SYNPR: variants seen among roughly 807,000 people sequenced by gnomAD.
SYNPR encodes the protein synaptoporin.
A neutral mutation model predicts 32.9 loss-of-function variants in SYNPR; 23 were observed. The ratio of observed to expected loss-of-function variants is 0.70; its 90% CI spans 0.50 to 0.99. SYNPR has a LOEUF of 0.99. SYNPR is among the 50% of genes least tolerant of loss of function. The probability of loss-of-function intolerance (pLI) is 0.00; values close to 1 mark genes in which losing one functional copy is unlikely to be tolerated. For missense variants in SYNPR, 318 were observed against 349.3 expected, an observed-to-expected ratio of 0.91 and a Z score of 0.71; for synonymous variants, 146 against 135.9, an observed-to-expected ratio of 1.07 and a Z score of -0.52.
At position 63,601,008 on chromosome 3, in the gene SYNPR, C is replaced by T. The variant is rs189986481; in HGVS notation, c.409-8117C>T. On this transcript the variant is annotated intron_variant, in intron 4 of 5. Transcript: ENST00000478300. ...CCTGCCATGGCTGGGTGCAGTGGCT[C>T]ACGCCTATAATCCCAGCACTTTGGG... Among the ~76,000 whole-genome samples the T allele has an allele frequency of 2.6e-5, 4 of 152,344 alleles. No individual in the cohort carries two copies. The East Asian group carries it at 7.7e-4, about 29-fold the overall frequency.
rs553489258 is a variant in SYNPR, at chr3:63,364,359, T to C, written c.84+85617T>C. ...ACAACAACATATAGGTTCAGGAGCT[T>C]AATGTCAATTCACAGCCAAATTGTA... is the stretch of plus-strand genomic sequence containing the variant. On this transcript the variant is annotated intron_variant, in intron 2 of 5. Transcript: ENST00000478300. Among the ~76,000 whole-genome samples, 283 of 152,318 alleles carry C rather than the reference T, an allele frequency of 1.9e-3. 2 individuals carry two copies. The highest frequency in any genetic ancestry group is 3.4e-3 in the Admixed American group (52 of 15,304).
At chr3:63,572,101 C>T (rs1254963894) in intron 4 of SYNPR, among the ~76,000 whole-genome samples, 1 of 152,182 alleles carries the variant, frequency 6.6e-6, no homozygotes, top group African/African-American at 2.4e-5. Context: ...TCCAAAGCAA[C>T]CATACATCTG....
rs547743243 is a variant in SYNPR at position 63,471,711 on chromosome 3, G to A, written c.85-9121G>A. Among the ~76,000 whole-genome samples the A allele has an allele frequency of 2.6e-5, 4 of 152,304 alleles. No homozygotes were observed. The South Asian group carries it at 8.3e-4, about 32-fold the overall frequency. On this transcript the variant is annotated intron_variant, in intron 2 of 5. Coordinates refer to ENST00000478300, the MANE Select transcript of SYNPR (RefSeq NM_001130003.2). ...TTTATGGCTACTATTGAGGTAATCA[G>A]CTTTGTTCCCAGAAATGCCCTTTGG... is the stretch of plus-strand genomic sequence containing the variant.
chr3:63,554,725 T>A (rs1702565161), intron 3 of SYNPR, among the ~76,000 whole-genome samples: 1 of 138,044 alleles, frequency 7.2e-6, no homozygotes, highest in African/African-American at 2.6e-5. Flanking sequence ...AATTTTAGAA[T>A]AGTTTTTTTT....
chr3:63,333,831 T>G (rs892261574), intron 2 of SYNPR, among the ~76,000 whole-genome samples: 1 of 152,236 alleles, frequency 6.6e-6, no homozygotes, highest in Non-Finnish European at 1.5e-5. Flanking sequence ...AATTTATTTT[T>G]TATCCATTTG....
At chr3:63,429,004 G>T (rs899240637) in intron 2 of SYNPR, among the ~76,000 whole-genome samples, 1 of 152,178 alleles carries the variant, frequency 6.6e-6, no homozygotes, top group Non-Finnish European at 1.5e-5. Context: ...GGGTCATTTT[G>T]TTCAATCAAT....
upstream of SYNPR, among the ~76,000 whole-genome samples, chr3:63,275,436 C>T (rs2086565003): frequency 6.6e-6 from 1 of 152,158 alleles, no homozygotes; most frequent in African/African-American, 2.4e-5. Flanking sequence ...TATTACACTG[C>T]CATTTGCCAC....
intron 2 of SYNPR, among the ~76,000 whole-genome samples, chr3:63,265,241 C>CTTTTTT (rs71126590): frequency 9.8e-6 from 1 of 102,200 alleles, no homozygotes. Context: ...TAATGACATT[C>CTTTTTT]TTTTTTTTTT....
rs192762700 is a variant in SYNPR at position 63,318,477 on chromosome 3, T to C, written c.84+39735T>C. 2.6e-5 allele frequency among the ~76,000 whole-genome samples: 4 copies of C among 152,120 alleles called. No individual in the cohort carries two copies. In the East Asian group the frequency reaches 5.8e-4, roughly 22 times the overall value. ...CTTATTCTTTTTTCTTTGTCTTTAT[T>C]GGATTGGGTTAATTCAAAGACCTTG... On this transcript the variant is annotated intron_variant, in intron 2 of 5. Transcript: ENST00000478300.
intron 3 of SYNPR, among the ~76,000 whole-genome samples, chr3:63,272,056 T>A (rs969387359): frequency 6.6e-6 from 1 of 152,204 alleles, no homozygotes. Flanking sequence ...AAAGTATATG[T>A]TGTCAGTAGT....
At chr3:63,467,560 T>C (rs1575659749) in intron 2 of SYNPR, among the ~76,000 whole-genome samples, 1 of 152,208 alleles carries the variant, frequency 6.6e-6, no homozygotes, top group African/African-American at 2.4e-5. Context: ...CTCACAGAGT[T>C]ATGAGATTTC....
intron 5 of SYNPR, among the ~76,000 whole-genome samples, chr3:63,612,323 A>T (rs1700211141): frequency 6.6e-6 from 1 of 152,246 alleles, no homozygotes; most frequent in African/African-American, 2.4e-5. Flanking sequence ...CAAATGTCAT[A>T]CAGTGTTAGA....
intron 3 of SYNPR, among the ~76,000 whole-genome samples, chr3:63,500,541 G>C (rs202202977): frequency 0.28 from 43,252 of 151,936 alleles, 7,112 homozygotes; most frequent in African/African-American, 0.46. Context: ...AAAAAGTACT[G>C]AATATATGAC....
chr3:63,318,356 C>T (rs2087067127), intron 2 of SYNPR, among the ~76,000 whole-genome samples: 1 of 151,986 alleles, frequency 6.6e-6, no homozygotes. Context: ...GTTTTCCAAG[C>T]TTTTAGAATT....
At chr3:63,264,197 G>A (rs1032539818) in intron 2 of SYNPR, among the ~76,000 whole-genome samples, 1 of 152,030 alleles carries the variant, frequency 6.6e-6, no homozygotes. Flanking sequence ...CTGCCTGAGG[G>A]TAAAGAACCC....
chr3:63,345,675 A>G (rs1435637143), intron 2 of SYNPR, among the ~76,000 whole-genome samples: 1 of 152,198 alleles, frequency 6.6e-6, no homozygotes, highest in African/African-American at 2.4e-5. Flanking sequence ...AGCCAAAGCC[A>G]GGCAGCTTCC....
intron 2 of SYNPR, among the ~76,000 whole-genome samples, chr3:63,298,112 C>G (rs761125604): frequency 3.9e-5 from 6 of 152,032 alleles, no homozygotes; most frequent in Non-Finnish European, 7.4e-5. Flanking sequence ...AATCTTGTGG[C>G]CTATCATTAG....
intron 4 of SYNPR, among the ~76,000 whole-genome samples, chr3:63,562,375 T>C (rs762357254): frequency 6.6e-6 from 1 of 152,230 alleles, no homozygotes; most frequent in Non-Finnish European, 1.5e-5. Flanking sequence ...GAATCTGTAT[T>C]GCAAGACGTT....
At chr3:63,340,620 C>T (rs1429816412) in intron 2 of SYNPR, among the ~76,000 whole-genome samples, 1 of 151,456 alleles carries the variant, frequency 6.6e-6, no homozygotes, top group Non-Finnish European at 1.5e-5. Context: ...GGGGTTTCAC[C>T]GTTTTAGCCG....
Sources: gnomAD v4.1 joint callset for allele counts (sites outside exome capture counted in the v4.1 genomes callset) on GRCh38, gnomAD v4.1.1 for gene constraint, MANE v1.5 for transcripts, NCBI Gene and HGNC (gene_info 2026-07-23, HGNC 2026-07-21) for gene names.